PCBP3: variants seen among roughly 807,000 people sequenced by gnomAD.
PCBP3 encodes poly(rC)-binding protein 3.
PCBP3 carries 25 observed loss-of-function variants against 52.7 expected under a neutral mutation model. The observed-to-expected ratio is 0.47, with a 90% CI of 0.35 to 0.66. The LOEUF (loss-of-function observed/expected upper bound fraction) is 0.66. Among genes scored for constraint, PCBP3 ranks in the 30% least tolerant of loss-of-function variants. The pLI is 0.01. For missense variants in PCBP3, 391 were observed against 490.3 expected, an observed-to-expected ratio of 0.80 and a Z score of 1.91; for synonymous variants, 162 against 183.0, an observed-to-expected ratio of 0.89 and a Z score of 0.93.
intron 2 of PCBP3, among the ~76,000 whole-genome samples, chr21:45,732,023 T>C (rs1273433393): frequency 2.0e-5 from 3 of 152,186 alleles, no homozygotes; most frequent in African/African-American, 2.4e-5. Context: ...TATTTTCCTT[T>C]TGTGTTTTGT....
chr21:45,873,607 C>A (rs753092), intron 5 of PCBP3, among the ~76,000 whole-genome samples: 121,370 of 152,032 alleles, frequency 0.8, 49,355 homozygotes, highest in East Asian at 1. Flanking sequence ...ACCCAAGTCC[C>A]CGTGAGGGTG....
At chr21:45,722,772 G>T (rs547025775) in intron 2 of PCBP3, among the ~76,000 whole-genome samples, 1 of 152,000 alleles carries the variant, frequency 6.6e-6, no homozygotes, top group African/African-American at 2.4e-5. Context: ...GAGGCCAAGT[G>T]GGGGTGGATC....
intron 4 of PCBP3, among the ~76,000 whole-genome samples, chr21:45,784,409 GCTACC>G: frequency 1.2e-5 from 1 of 84,262 alleles, no homozygotes; most frequent in East Asian, 2.5e-4. Context: ...TACCTCTACC[GCTACC>G]GCTACCCCTA....
intron 5 of PCBP3, among the ~76,000 whole-genome samples, chr21:45,882,627 G>T (rs2095429761): frequency 6.6e-6 from 1 of 152,196 alleles, no homozygotes; most frequent in African/African-American, 2.4e-5. Flanking sequence ...ATTTTTCCCT[G>T]TGTTTTTTCT....
At chr21:45,843,945 T>G (rs2093751442) in intron 4 of PCBP3, among the ~76,000 whole-genome samples, 2 of 152,122 alleles carry the variant, frequency 1.3e-5, no homozygotes, top group African/African-American at 4.8e-5. Flanking sequence ...GGTATACTTG[T>G]GTGAACTGTA....
chr21:45,845,016 G>A (rs187777984), intron 4 of PCBP3, among the ~76,000 whole-genome samples: 4 of 151,590 alleles, frequency 2.6e-5, no homozygotes, highest in Non-Finnish European at 5.9e-5. Flanking sequence ...TTTTTTACTG[G>A]GTACCCCAGA....
rs955818066 is a variant in PCBP3 at position 45,704,691 on chromosome 21, A to G, written c.-199-30701A>G. ...ATGGAGTTCCGTTTACAACAGCAAG[A>G]GATGCCTTGTCCATAGCTTCCTGAC... On this transcript the variant is annotated intron_variant, in intron 2 of 17. Transcript: ENST00000681687. This position sits in a 1 kb window ranked among gnomAD's most constrained non-coding sequence, Gnocchi z 4.1. Among the ~76,000 whole-genome samples the G allele has an allele frequency of 1.3e-5, 2 of 152,234 alleles. No homozygotes were observed. Among genetic ancestry groups the G allele is most frequent in the Admixed American group, 1.3e-4 (2 of 15,292 alleles).
intron 4 of PCBP3, among the ~76,000 whole-genome samples, chr21:45,849,058 A>G (rs147513593): frequency 1.8e-4 from 28 of 152,284 alleles, no homozygotes; most frequent in African/African-American, 5.1e-4. Context: ...TTCTTTTTAG[A>G]AAAAAACTGA....
At chr21:45,695,865 G>C (rs1433488154) in intron 2 of PCBP3, among the ~76,000 whole-genome samples, 2 of 151,868 alleles carry the variant, frequency 1.3e-5, no homozygotes, top group Admixed American at 1.3e-4. Flanking sequence ...TGGGTCACGA[G>C]GTCAGGAGTT....
chr21:45,928,597 G>A lies in PCBP3; in HGVS notation c.718-1320G>A, dbSNP rs1361365806. On this transcript the variant is annotated intron_variant, in intron 13 of 17. Transcript: ENST00000681687. This position sits in a 1 kb window ranked among gnomAD's most constrained non-coding sequence, Gnocchi z 4.1. Reference sequence around the variant, plus strand: ...TGGTGTCAGGGAACCCAGGTGCCAGGGGTGGCCAGGGCAAGCATGGGGGTC... The same window carrying A: ...TGGTGTCAGGGAACCCAGGTGCCAGAGGTGGCCAGGGCAAGCATGGGGGTC... Among the ~76,000 whole-genome samples, 1 of 152,142 alleles carries A rather than the reference G, an allele frequency of 6.6e-6. No individual in the cohort carries two copies. The highest frequency in any genetic ancestry group is 1.9e-4 in the East Asian group (1 of 5,190).
chr21:45,667,723 T>A (rs1220588152), intron 1 of PCBP3, among the ~76,000 whole-genome samples: 1 of 152,220 alleles, frequency 6.6e-6, no homozygotes, highest in African/African-American at 2.4e-5. Context: ...ATTTTCCTGT[T>A]TCTTTGTATG....
intron 1 of PCBP3, among the ~76,000 whole-genome samples, chr21:45,654,705 T>C (rs2079903377): frequency 1.3e-5 from 2 of 152,230 alleles, no homozygotes. Flanking sequence ...TTCAATTTAC[T>C]TAAACGTTTT....
intron 9 of PCBP3, among the ~76,000 whole-genome samples, chr21:45,907,757 G>A (rs564001402): frequency 7.2e-5 from 11 of 151,942 alleles, no homozygotes; most frequent in African/African-American, 9.7e-5. Flanking sequence ...CCTGGCTCTC[G>A]GGGGATGGGT....
intron 1 of PCBP3, among the ~76,000 whole-genome samples, chr21:45,666,116 C>T (rs1186244402): frequency 4.6e-5 from 7 of 152,070 alleles, no homozygotes; most frequent in Admixed American, 1.3e-4. Context: ...AGGAACATAC[C>T]TCAAAATAAT....
In PCBP3 at chr21:45,724,204, C is replaced by A. The variant is rs2838985; in HGVS notation, c.-199-11188C>A. Among the ~76,000 whole-genome samples the A allele has an allele frequency of 0.17, 25,670 of 152,126 alleles. 2,272 individuals are homozygous for A. The highest frequency in any genetic ancestry group is 0.32 in the Middle Eastern group (94 of 294). On this transcript the variant is annotated intron_variant, in intron 2 of 17. Transcript: ENST00000681687. The surrounding 1 kb of genome is among the most constrained non-coding windows in gnomAD (Gnocchi z 5.3). ...TTTGCTCATTTTCCTTTATTGAGAT[C>A]TGTTGAAGTCTGAGCTCCTATTAAC...
At chr21:45,897,342 G>A (rs117601098) in intron 6 of PCBP3, among the ~76,000 whole-genome samples, 4 of 152,282 alleles carry the variant, frequency 2.6e-5, no homozygotes, top group Admixed American at 6.5e-5. Flanking sequence ...GTAGGTCGTC[G>A]GCTTTGACTG....
At chr21:45,938,185 G>T (rs896716455) in intron 16 of PCBP3, among the ~76,000 whole-genome samples, 8 of 152,244 alleles carry the variant, frequency 5.3e-5, no homozygotes, top group African/African-American at 1.9e-4. Flanking sequence ...CCTCCAGCAG[G>T]CTCCGAGGAG....
At position 45,829,456 on chromosome 21, in the gene PCBP3, C is replaced by G. The variant is rs1027317860; in HGVS notation, c.-125-20505C>G. 1.3e-5 allele frequency: 2 copies of G among 152,650 alleles called. No individual in the cohort carries two copies. The highest frequency in any genetic ancestry group is 2.9e-5 in the Non-Finnish European group (2 of 68,394). The allele number at this position is 152,650 out of a possible 1,614,324, so 9.5% of individuals were successfully genotyped here. Reference sequence around the variant, plus strand: ...TGGGCCTCTCTTTGGCATTCCTCCTCTCTCTCCTCGGCATTCCTTCTCTGG... The same window carrying G: ...TGGGCCTCTCTTTGGCATTCCTCCTGTCTCTCCTCGGCATTCCTTCTCTGG... On this transcript the variant is annotated intron_variant, in intron 4 of 17. Transcript: ENST00000681687. The surrounding 1 kb of genome is among the most constrained non-coding windows in gnomAD (Gnocchi z 5.2).
At chr21:45,740,368 T>C (rs2086336450) in intron 3 of PCBP3, among the ~76,000 whole-genome samples, 1 of 152,116 alleles carries the variant, frequency 6.6e-6, no homozygotes, top group Non-Finnish European at 1.5e-5. Flanking sequence ...ATGTTAAAAT[T>C]AAAAAAAATT....
Sources: gnomAD v4.1 joint callset for allele counts (sites outside exome capture counted in the v4.1 genomes callset) on GRCh38, gnomAD v4.1.1 for gene constraint, Gnocchi (gnomAD v3.1) non-coding constraint, MANE v1.5 for transcripts, NCBI Gene and HGNC (gene_info 2026-07-23, HGNC 2026-07-21) for gene names.